Variants in MIA2 observed in about 807,000 individuals in gnomAD.
MIA2 encodes melanoma inhibitory activity protein 2.
MIA2 carries 127 observed loss-of-function variants against 167.8 expected under a neutral mutation model. That is an observed-to-expected ratio of 0.76 (90% CI 0.66 to 0.88). The LOEUF (loss-of-function observed/expected upper bound fraction) is 0.88, where lower values mean the gene tolerates loss of function less well. Among genes scored for constraint, MIA2 ranks in the 40% least tolerant of loss-of-function variants. MIA2 has a pLI of 0.00. For synonymous variants in MIA2, 552 were observed against 541.9 expected, an observed-to-expected ratio of 1.02 and a Z score of -0.26; for missense variants, 1,690 against 1,624.7, an observed-to-expected ratio of 1.04 and a Z score of -0.69.
chr14:39,287,751 C>T (rs914938215), intron 9 of MIA2, among the ~76,000 whole-genome samples: 8 of 151,588 alleles, frequency 5.3e-5, no homozygotes, highest in South Asian at 2.1e-4. Context: ...TTGGTAGAGA[C>T]GGGGTTTCAC....
chr14:39,286,386 A>G (rs1367663306), intron 9 of MIA2, among the ~76,000 whole-genome samples: 1 of 151,908 alleles, frequency 6.6e-6, no homozygotes, highest in Non-Finnish European at 1.5e-5. Context: ...GTGAGCGGAG[A>G]TGGCAGCAGT....
At chr14:39,381,735 T>A (rs1255486084) in intron 23 of MIA2, among the ~76,000 whole-genome samples, 1 of 151,430 alleles carries the variant, frequency 6.6e-6, no homozygotes, top group Non-Finnish European at 1.5e-5. Flanking sequence ...GCCTTACTCC[T>A]CCTAATTTGG....
chr14:39,308,877 A>G (rs532513686), intron 18 of MIA2, among the ~76,000 whole-genome samples: 21 of 152,310 alleles, frequency 1.4e-4, no homozygotes, highest in African/African-American at 4.8e-4. Context: ...GGGAATCTGA[A>G]TGGACACTCT....
chr14:39,298,930 A>G lies in MIA2; in HGVS notation c.2497-934A>G, dbSNP rs1327529145. On this transcript the variant is annotated intron_variant, in intron 13 of 28. Transcript: ENST00000640607. ...AAGACCTTGACTCTACAAAAAATAA[A>G]AATAAAAAAATTAGCAGAGTATGTG... 2.4e-4 allele frequency among the ~76,000 whole-genome samples: 37 copies of G among 151,672 alleles called. 1 individual carries two copies. Among genetic ancestry groups the G allele is most frequent in the Admixed American group, 2.4e-3 (36 of 15,192 alleles).
At chr14:39,265,361 A>G in intron 6 of MIA2, 1 of 1,571,658 alleles carries the variant, frequency 6.4e-7, no homozygotes, top group South Asian at 1.1e-5. Flanking sequence ...CTTTATTTAC[A>G]TGTTAGGAAA....
At chr14:39,359,380 C>T (rs965363063) in intron 23 of MIA2, among the ~76,000 whole-genome samples, 24 of 152,250 alleles carry the variant, frequency 1.6e-4, no homozygotes, top group South Asian at 2.1e-4. Context: ...TCTGGTGTGC[C>T]GTTTGATAAG....
At chr14:39,290,312 T>C (rs543938467) in intron 9 of MIA2, among the ~76,000 whole-genome samples, 1 of 152,232 alleles carries the variant, frequency 6.6e-6, no homozygotes, top group Non-Finnish European at 1.5e-5. Context: ...TCTCTGAGGC[T>C]TTCAGACAGA....
chr14:39,236,052 C>T (rs992347842), intron 1 of MIA2, among the ~76,000 whole-genome samples: 11 of 151,954 alleles, frequency 7.2e-5, no homozygotes, highest in Admixed American at 2.6e-4. Flanking sequence ...TTATTGAGGC[C>T]TACTACACGT....
At chr14:39,310,627 G>T (rs996561021) in intron 18 of MIA2, among the ~76,000 whole-genome samples, 2 of 152,046 alleles carry the variant, frequency 1.3e-5, no homozygotes, top group Non-Finnish European at 2.9e-5. Context: ...GCTAATTTAC[G>T]ATGTATAGTG....
At chr14:39,261,561 C>G (rs916631424) in intron 6 of MIA2, among the ~76,000 whole-genome samples, 3 of 152,164 alleles carry the variant, frequency 2.0e-5, no homozygotes, top group African/African-American at 7.2e-5. Flanking sequence ...TGAGGAATCG[C>G]CAGACTGTCT....
intron 6 of MIA2, among the ~76,000 whole-genome samples, chr14:39,270,829 A>G (rs1021937685): frequency 3.3e-5 from 5 of 152,142 alleles, no homozygotes; most frequent in Admixed American, 6.5e-5. Context: ...TTTATTGTTG[A>G]GTTATAAGCA....
In MIA2 at chr14:39,314,791, C is replaced by A. The variant is rs536600046; in HGVS notation, c.3172C>A (p.Gln1058Lys). ...ATTGGAGAGAACTATTCATTCTTATCAAGGGCAGGTATATATATATGTGTG... is the reference window on the plus strand; with the variant it reads ...ATTGGAGAGAACTATTCATTCTTATAAAGGGCAGGTATATATATATGTGTG... Reference protein sequence around the residue: ...EELERTIHSYQGQIISHEKKA... With the variant: ...EELERTIHSYKGQIISHEKKA... The change falls in exon 20 of 29, where the codon CAA (glutamine) becomes AAA (lysine). Residue 1058 changes from glutamine to lysine, a missense_variant. By Grantham distance (53) the Gln-to-Lys change is moderately conservative (BLOSUM62 1). Coordinates refer to ENST00000640607, the MANE Select transcript of MIA2 (RefSeq NM_001329214.4). 25 of 1,526,338 alleles carry A rather than the reference C, an allele frequency of 1.6e-5. No individual in the cohort carries two copies. Among genetic ancestry groups the A allele is most frequent in the East Asian group, 2.4e-5 (1 of 42,418 alleles). 94.5% of individuals were successfully genotyped at this position (1,526,338 alleles called of 1,614,324 possible). A position where few individuals can be genotyped will look rare whatever the true frequency, so the allele number is the denominator to read the frequency against.
At chr14:39,378,065 T>C (rs939195102) in intron 23 of MIA2, among the ~76,000 whole-genome samples, 29 of 152,246 alleles carry the variant, frequency 1.9e-4, no homozygotes, top group Non-Finnish European at 2.1e-4. Flanking sequence ...ATTGAAGTTA[T>C]GCAAATAACT....
chr14:39,267,300 C>A lies in MIA2; in HGVS notation c.1888-9634C>A. The A allele has an allele frequency of 4.1e-6, 6 of 1,472,822 alleles. No individual in the cohort carries two copies. In the South Asian group the frequency reaches 6.7e-5, roughly 16 times the overall value. The allele number at this position is 1,472,822 out of a possible 1,614,324, so 91.2% of individuals were successfully genotyped here. A position where few individuals can be genotyped will look rare whatever the true frequency, so the allele number is the denominator to read the frequency against. ...TAGGCCTGTGAGGCCTGCGGGTGCC[C>A]CTGTCCCCCAGCTCCCCCCGCAGCC... is the stretch of plus-strand genomic sequence containing the variant. On this transcript the variant is annotated intron_variant, in intron 6 of 28. Transcript: ENST00000640607.
chr14:39,381,030 A>AC lies in MIA2; in HGVS notation c.2249-5855_2249-5854insC, dbSNP rs945633713. 4.9e-4 allele frequency among the ~76,000 whole-genome samples: 74 copies of AC among 152,104 alleles called. 2 individuals are homozygous for AC. Among genetic ancestry groups the AC allele is most frequent in the African/African-American group, 1.5e-3 (63 of 41,540 alleles). ...TATTTTAGTAAAAAAAACAAAAAAA[A>AC]AAAAAACAAAGGTAACAATACAAAA... On this transcript the variant is annotated intron_variant, in intron 23 of 23. Coordinates refer to the MIA2 transcript ENST00000341502.
At chr14:39,357,753 G>A (rs948637135) in intron 23 of MIA2, among the ~76,000 whole-genome samples, 2 of 152,142 alleles carry the variant, frequency 1.3e-5, no homozygotes, top group Non-Finnish European at 2.9e-5. Flanking sequence ...GCCTGGTGGT[G>A]ACAAAATCTC....
intron 3 of MIA2, among the ~76,000 whole-genome samples, chr14:39,242,866 T>G (rs1190428976): frequency 6.6e-6 from 1 of 151,834 alleles, no homozygotes; most frequent in African/African-American, 2.4e-5. Flanking sequence ...CTCACATCTG[T>G]AATCCCAGCA....
intron 6 of MIA2, 53 bp downstream of exon 6, chr14:39,253,224 TAA>T (rs2054655402): frequency 2.5e-6 from 4 of 1,592,694 alleles, no homozygotes; most frequent in Non-Finnish European, 3.4e-6. Context: ...TTGCTAAATA[TAA>T]GAGTGGCTAC....
At chr14:39,296,207 T>C (rs1299739895) in intron 13 of MIA2, among the ~76,000 whole-genome samples, 1 of 152,196 alleles carries the variant, frequency 6.6e-6, no homozygotes, top group Non-Finnish European at 1.5e-5. Context: ...TTAATTCTTT[T>C]GGTTAATTTT....
Sources: gnomAD v4.1 joint callset for allele counts (sites outside exome capture counted in the v4.1 genomes callset) on GRCh38, gnomAD v4.1.1 for gene constraint, MANE v1.5 for transcripts, NCBI Gene and HGNC (gene_info 2026-07-23, HGNC 2026-07-21) for gene names.